The following TENM2 variants were observed in gnomAD, a reference collection of about 807,000 sequenced individuals.
The protein encoded by TENM2 is teneurin-2.
Under a neutral mutation model 245.2 loss-of-function variants are expected in TENM2, and 52 were observed. That is an observed-to-expected ratio of 0.21 (90% CI 0.17 to 0.27). The LOEUF is 0.27. TENM2 is among the 10% of genes least tolerant of loss of function. TENM2 has a pLI of 1.00. For missense variants in TENM2, 3,046 were observed against 3,666.8 expected, an observed-to-expected ratio of 0.83 and a Z score of 4.37; for synonymous variants, 1,363 against 1,438.9, an observed-to-expected ratio of 0.95 and a Z score of 1.19.
At position 167,963,661 on chromosome 5, in the gene TENM2, G is replaced by A. The variant is rs115268034; in HGVS notation, c.947+10839G>A. On this transcript the variant is annotated intron_variant, in intron 4 of 28. Transcript: ENST00000518659. Reference sequence around the variant, plus strand: ...TTCTGCCACTCCCAGAATGCAAAGCGTGTCTCTTTAGTCCAGTGTGTCTCC... The same window carrying A: ...TTCTGCCACTCCCAGAATGCAAAGCATGTCTCTTTAGTCCAGTGTGTCTCC... Among the ~76,000 whole-genome samples the A allele has an allele frequency of 4.0e-3, 616 of 152,294 alleles. 3 individuals carry two copies. Among genetic ancestry groups the A allele is most frequent in the African/African-American group, 0.013 (533 of 41,576 alleles).
intron 2 of TENM2, among the ~76,000 whole-genome samples, chr5:167,636,735 G>A (rs1779230551): frequency 6.6e-6 from 1 of 152,196 alleles, no homozygotes; most frequent in Non-Finnish European, 1.5e-5. Flanking sequence ...TCAAATGATA[G>A]ACTGACATTT....
At chr5:167,858,679 C>A (rs897334296) in intron 2 of TENM2, among the ~76,000 whole-genome samples, 11 of 151,250 alleles carry the variant, frequency 7.3e-5, no homozygotes, top group Non-Finnish European at 1.5e-4. Flanking sequence ...GCGCTGACGC[C>A]CGCGGGCACC....
intron 2 of TENM2, among the ~76,000 whole-genome samples, chr5:167,707,552 C>T (rs1483934217): frequency 1.3e-5 from 2 of 152,136 alleles, no homozygotes; most frequent in Non-Finnish European, 2.9e-5. Context: ...TCTCCAAGCT[C>T]ACCAAGTTGT....
intron 1 of TENM2, among the ~76,000 whole-genome samples, chr5:167,313,656 A>C (rs1349334004): frequency 1.3e-5 from 2 of 152,142 alleles, no homozygotes; most frequent in African/African-American, 2.4e-5. Flanking sequence ...ATTCACCTTA[A>C]GCCTCCATTT....
At chr5:168,236,975 TATATATATATATATATATATATATA>T (rs1197517241) in intron 25 of TENM2, among the ~76,000 whole-genome samples, 86 of 5,342 alleles carry the variant, frequency 0.016, 2 homozygotes, top group African/African-American at 0.034. Flanking sequence ...TATATATATA[TATATATATATATATATATATATATA>T]TTTTTTTTTT....
chr5:168,199,246 T>C, intron 16 of TENM2, 132 bp downstream of exon 18: 1 of 962,700 alleles, frequency 1.0e-6, no homozygotes, highest in Non-Finnish European at 1.5e-6. Context: ...TAATAAAATT[T>C]ATAGCCACCA....
At chr5:167,303,704 T>A (rs1755496739) in intron 1 of TENM2, among the ~76,000 whole-genome samples, 1 of 152,086 alleles carries the variant, frequency 6.6e-6, no homozygotes, top group African/African-American at 2.4e-5. Context: ...CTTTTCAATG[T>A]GAATATGTAT....
At chr5:167,947,394 G>C (rs1779715805) in intron 3 of TENM2, among the ~76,000 whole-genome samples, 1 of 152,112 alleles carries the variant, frequency 6.6e-6, no homozygotes, top group Non-Finnish European at 1.5e-5. Flanking sequence ...TGAGAAGTAA[G>C]ATTACTATAT....
chr5:168,083,742 A>G (rs1050549281), intron 7 of TENM2, among the ~76,000 whole-genome samples: 1 of 152,184 alleles, frequency 6.6e-6, no homozygotes. Flanking sequence ...TTTTTAAAAA[A>G]ATAATTTCAG....
chr5:168,068,387 T>C (rs1157598961), intron 7 of TENM2, among the ~76,000 whole-genome samples: 1 of 152,150 alleles, frequency 6.6e-6, no homozygotes, highest in Non-Finnish European at 1.5e-5. Flanking sequence ...GCAAACTTTC[T>C]AAGCAAAGGA....
chr5:167,370,124 C>T lies in TENM2; in HGVS notation c.227-5074C>T, dbSNP rs187107236. On this transcript the variant is annotated intron_variant, in intron 1 of 28. Transcript: ENST00000518659. ...TTGGGAAGCTGAGGTGGGCAGATCA[C>T]GAGGTCAGGAGATCGAGACCATCCT... Among the ~76,000 whole-genome samples the T allele has an allele frequency of 5.9e-3, 896 of 152,082 alleles. 5 individuals carry two copies. Among genetic ancestry groups the T allele is most frequent in the Non-Finnish European group, 9.5e-3 (645 of 67,976 alleles).
intron 1 of TENM2, among the ~76,000 whole-genome samples, chr5:167,328,829 T>G (rs972495806): frequency 3.9e-5 from 6 of 152,234 alleles, no homozygotes; most frequent in Admixed American, 1.3e-4. Context: ...CCTGTTTCTC[T>G]GCTTTATTTT....
At chr5:167,939,835 G>A (rs748252651) in intron 3 of TENM2, among the ~76,000 whole-genome samples, 8 of 152,200 alleles carry the variant, frequency 5.3e-5, no homozygotes, top group African/African-American at 1.7e-4. Flanking sequence ...CAGCCTGGTT[G>A]AGTCAGAAGC....
rs1766166059 is a variant in TENM2 at position 168,242,271 on chromosome 5, T to C, written c.5521-2149T>C. Among the ~76,000 whole-genome samples, 3 of 152,220 alleles carry C rather than the reference T, an allele frequency of 2.0e-5. No individual in the cohort carries two copies. In the South Asian group the frequency reaches 6.2e-4, roughly 32 times the overall value. On this transcript the variant is annotated intron_variant, in intron 25 of 28. Transcript: ENST00000518659. ...CTGGGCACAAAGCTGTTTCCCAGAA[T>C]GCAAGTGTCTGTGGTATTAGAATTA... is the stretch of plus-strand genomic sequence containing the variant.
intron 2 of TENM2, among the ~76,000 whole-genome samples, chr5:167,684,017 A>G (rs1334667152): frequency 6.6e-6 from 1 of 152,188 alleles, no homozygotes; most frequent in Non-Finnish European, 1.5e-5. Flanking sequence ...CAGTGGGGAA[A>G]CCAGAAGGTC....
At chr5:167,071,877 C>CGGGGGGGGGGGG in the TENM2 span, among the ~76,000 whole-genome samples, 2 of 113,300 alleles carry the variant, frequency 1.8e-5, no homozygotes, top group South Asian at 3.0e-4. Flanking sequence ...TTTGACAAAT[C>CGGGGGGGGGGGG]GCCCCCCCCC....
At chr5:167,635,714 G>T (rs1779163721) in intron 2 of TENM2, among the ~76,000 whole-genome samples, 1 of 135,760 alleles carries the variant, frequency 7.4e-6, no homozygotes, top group East Asian at 2.4e-4. Context: ...GCGCTATCTC[G>T]GCTCACTGCA....
the TENM2 span, among the ~76,000 whole-genome samples, chr5:167,098,687 T>C: frequency 2.6e-5 from 4 of 152,030 alleles, no homozygotes; most frequent in Admixed American, 2.6e-4. Context: ...AAGGAGGGAA[T>C]GGTCGAGTGT....
chr5:167,102,644 GTTTGT>G, the TENM2 span, among the ~76,000 whole-genome samples: 5 of 152,114 alleles, frequency 3.3e-5, no homozygotes, highest in African/African-American at 1.2e-4. Flanking sequence ...ACTTCACACA[GTTTGT>G]TTTGTTTTGT....
Sources: gnomAD v4.1 joint callset for allele counts (sites outside exome capture counted in the v4.1 genomes callset) on GRCh38, gnomAD v4.1.1 for gene constraint, MANE v1.5 for transcripts, NCBI Gene and HGNC (gene_info 2026-07-23, HGNC 2026-07-21) for gene names.